Variants in C9 observed in about 807,000 individuals in gnomAD.
C9 encodes the protein complement C9, also known as complement component C9.
In C9, 63 loss-of-function variants were observed where a neutral mutation model predicts 65.4. That is an observed-to-expected ratio of 0.96 (90% CI 0.79 to 1.19). The LOEUF is 1.19. Among genes scored for constraint, C9 ranks in the 50% most tolerant of loss-of-function variants. The pLI, the probability that C9 is intolerant of heterozygous loss-of-function variation, is 0.00. For synonymous variants in C9, 229 were observed against 227.9 expected, an observed-to-expected ratio of 1.00 and a Z score of -0.04; for missense variants, 744 against 670.1, an observed-to-expected ratio of 1.11 and a Z score of -1.22.
intron 1 of C9, among the ~76,000 whole-genome samples, chr5:39,345,408 G>T (rs1349111100): frequency 6.6e-6 from 1 of 152,114 alleles, no homozygotes; most frequent in African/African-American, 2.4e-5. Context: ...AACCAAAAAA[G>T]ATCAAAAGAG....
intron 1 of C9, among the ~76,000 whole-genome samples, chr5:39,343,169 AGACAGTGGGGGCAG>A (rs1473083424): frequency 5.9e-5 from 9 of 152,140 alleles, no homozygotes; most frequent in Non-Finnish European, 1.2e-4. Flanking sequence ...GGGGCTCATC[AGACAGTGGGGGCAG>A]GACAGTGGGT....
chr5:39,343,242 G>T (rs372043279), intron 1 of C9, among the ~76,000 whole-genome samples: 9 of 152,298 alleles, frequency 5.9e-5, no homozygotes, highest in Non-Finnish European at 1.3e-4. Context: ...CGCCTCACCC[G>T]GGAAGTGCAA....
rs1262258604 is a variant in C9, at chr5:39,364,414, G to A, written c.51C>T (p.Ser17=). The change falls in exon 1 of 11, where the codon AGC becomes AGT. Residue 17 remains serine, a synonymous_variant. Coordinates refer to ENST00000263408, the MANE Select transcript of C9 (RefSeq NM_001737.5). The part of the protein sequence containing the change: ...FAVAICILEI[S]ILTAQYTTSY... ...TGGTCGTGTACTGTGCTGTGAGGATGCTTATTTCTAAAATGCAGATTGCAA... is the reference window on the plus strand; with the variant it reads ...TGGTCGTGTACTGTGCTGTGAGGATACTTATTTCTAAAATGCAGATTGCAA... 2 of 1,605,928 alleles carry A rather than the reference G, an allele frequency of 1.2e-6. No homozygotes were observed. Among genetic ancestry groups the A allele is most frequent in the East Asian group, 2.2e-5 (1 of 44,854 alleles).
chr5:39,322,090 C>A (rs921663667), intron 5 of C9, among the ~76,000 whole-genome samples: 3 of 151,666 alleles, frequency 2.0e-5, no homozygotes, highest in African/African-American at 7.3e-5. Flanking sequence ...GTGGACAGAT[C>A]GTATATTAGG....
chr5:39,308,150 A>G (rs1753412922), intron 8 of C9, 80 bp downstream of exon 8: 6 of 1,251,742 alleles, frequency 4.8e-6, no homozygotes, highest in Non-Finnish European at 7.1e-6. Flanking sequence ...GACAATTAAG[A>G]GGGCTCATTG....
At chr5:39,323,982 A>G (rs1284896071) in intron 5 of C9, among the ~76,000 whole-genome samples, 6 of 152,198 alleles carry the variant, frequency 3.9e-5, no homozygotes, top group Admixed American at 3.3e-4. Flanking sequence ...CAGGATACAA[A>G]ATCAACATGC....
intron 6 of C9, among the ~76,000 whole-genome samples, chr5:39,314,004 C>T (rs1295624759): frequency 1.3e-5 from 2 of 152,178 alleles, no homozygotes; most frequent in Non-Finnish European, 2.9e-5. Flanking sequence ...TATAATTGTC[C>T]TATCTGAACT....
intron 1 of C9, among the ~76,000 whole-genome samples, chr5:39,361,700 C>G (rs700227): frequency 0.41 from 62,209 of 152,046 alleles, 12,774 homozygotes; most frequent in Middle Eastern, 0.51. Flanking sequence ...CTATTCTACT[C>G]TCATGGTGGT....
intron 9 of C9, among the ~76,000 whole-genome samples, chr5:39,294,917 C>G (rs1411465337): frequency 6.6e-6 from 1 of 151,698 alleles, no homozygotes; most frequent in Non-Finnish European, 1.5e-5. Flanking sequence ...ATATGGAAAT[C>G]AATAAATGAG....
intron 5 of C9, among the ~76,000 whole-genome samples, chr5:39,318,755 G>A (rs1409710109): frequency 2.6e-5 from 4 of 151,994 alleles, no homozygotes; most frequent in African/African-American, 9.7e-5. Flanking sequence ...GAAACCTAAA[G>A]TTATTACTGT....
intron 4 of C9, 108 bp from the exon 5 acceptor site, chr5:39,331,922 C>T: frequency 1.1e-6 from 1 of 913,348 alleles, no homozygotes; most frequent in East Asian, 2.4e-5. Context: ...TCACCGTCAC[C>T]CAATATGTGT....
chr5:39,325,674 A>G (rs1753735662), intron 5 of C9, among the ~76,000 whole-genome samples: 2 of 150,486 alleles, frequency 1.3e-5, no homozygotes, highest in African/African-American at 4.9e-5. Flanking sequence ...CAGGAGGCTG[A>G]GGCAGGAGAA....
chr5:39,303,805 A>G (rs561209196), intron 9 of C9, among the ~76,000 whole-genome samples: 4 of 152,026 alleles, frequency 2.6e-5, no homozygotes, highest in Admixed American at 1.3e-4. Flanking sequence ...CATCCCAAAG[A>G]TAGTCATGCT....
At chr5:39,352,292 C>G (rs146191548) in intron 1 of C9, among the ~76,000 whole-genome samples, 1 of 152,226 alleles carries the variant, frequency 6.6e-6, no homozygotes, top group South Asian at 2.1e-4. Flanking sequence ...GGTAGGGACA[C>G]AGAGCCAAAC....
chr5:39,306,666 A>G lies in C9; in HGVS notation c.1367T>C (p.Val456Ala). The G allele has an allele frequency of 6.2e-7, 1 of 1,613,856 alleles. No individual in the cohort carries two copies. Among genetic ancestry groups the G allele is most frequent in the African/African-American group, 1.3e-5 (1 of 75,036 alleles). Residue 456 changes from valine to alanine, a missense_variant, in exon 9 of 11, where the codon GTC (valine) becomes GCC (alanine). By Grantham distance (64) the Val-to-Ala change is moderately conservative. Coordinates refer to ENST00000263408, the MANE Select transcript of C9 (RefSeq NM_001737.5). ...RGTVIDVTDF[V>A]NWASSINDAP... ...ATCATTTATGGAAGAGGCCCAGTTG[A>G]CAAAGTCAGTCACATCAATCACGGT...
chr5:39,331,558 C>T, intron 5 of C9, 118 bp downstream of exon 5: 1 of 887,030 alleles, frequency 1.1e-6, no homozygotes, highest in South Asian at 1.4e-5. Context: ...TTCTTTAAGT[C>T]TTGTGTTCAT....
chr5:39,308,520 G>C (rs1753420624), intron 7 of C9, among the ~76,000 whole-genome samples, 162 bp from the exon 8 acceptor site: 1 of 152,114 alleles, frequency 6.6e-6, no homozygotes, highest in African/African-American at 2.4e-5. Flanking sequence ...CCTCATATTA[G>C]ATTATAGTGA....
At position 39,306,799 on chromosome 5, in the gene C9, A is replaced by T. The variant is rs868081502; in HGVS notation, c.1241-7T>A. 34 of 1,600,910 alleles carry T rather than the reference A, an allele frequency of 2.1e-5. 1 individual carries two copies. In the Middle Eastern group the frequency reaches 4.0e-3, roughly 188 times the overall value. Reference sequence around the variant, plus strand: ...TTTTCACTGGTGATGTTTACTGAGGAGAGAAGGAAGATTTAAAGAGAAGCA... The same window carrying T: ...TTTTCACTGGTGATGTTTACTGAGGTGAGAAGGAAGATTTAAAGAGAAGCA... On this transcript the variant is annotated splice_polypyrimidine_tract_variant and splice_region_variant and intron_variant, in intron 8 of 10. Coordinates refer to ENST00000263408, the MANE Select transcript of C9 (RefSeq NM_001737.5).
chr5:39,302,564 T>C (rs900493032), intron 9 of C9, among the ~76,000 whole-genome samples: 2 of 152,148 alleles, frequency 1.3e-5, no homozygotes, highest in African/African-American at 4.8e-5. Flanking sequence ...TCATAACTGC[T>C]AACAGTTACA....
Sources: allele counts gnomAD v4.1 joint callset (sites outside exome capture counted in the v4.1 genomes callset), GRCh38; gene constraint gnomAD v4.1.1; transcripts MANE v1.5; gene names NCBI Gene and HGNC (gene_info 2026-07-23, HGNC 2026-07-21).